The following CDH23 variants were observed in gnomAD, a reference collection of about 807,000 sequenced individuals.
CDH23 encodes the protein cadherin related 23, also known as cadherin-23.
In CDH23, 189 loss-of-function variants were observed where a neutral mutation model predicts 317.1. The ratio of observed to expected loss-of-function variants is 0.60; its 90% CI spans 0.53 to 0.67. The LOEUF (loss-of-function observed/expected upper bound fraction) is 0.67, where lower values mean the gene tolerates loss of function less well. Ranked by LOEUF, CDH23 falls within the 30% of genes least tolerant of loss-of-function variation. CDH23 has a pLI of 0.00. For missense variants in CDH23, 4,401 were observed against 4,592.4 expected, an observed-to-expected ratio of 0.96 and a Z score of 1.20; for synonymous variants, 1,839 against 1,876.8, an observed-to-expected ratio of 0.98 and a Z score of 0.52.
At chr10:71,643,104 A>G (rs1164547645) in intron 11 of CDH23, among the ~76,000 whole-genome samples, 1 of 152,230 alleles carries the variant, frequency 6.6e-6, no homozygotes, top group African/African-American at 2.4e-5. Context: ...ATCATCATCT[A>G]TATGCACAGT....
At chr10:71,484,813 T>C (rs1439258865) in intron 3 of CDH23, among the ~76,000 whole-genome samples, 1 of 152,156 alleles carries the variant, frequency 6.6e-6, no homozygotes, top group African/African-American at 2.4e-5. Context: ...CCTAGTTTGC[T>C]GGGGTTTTAT....
chr10:71,400,099 C>T (rs1273796913), intron 1 of CDH23, among the ~76,000 whole-genome samples: 1 of 152,166 alleles, frequency 6.6e-6, no homozygotes, highest in Non-Finnish European at 1.5e-5. Flanking sequence ...GACTGGACAT[C>T]CCACTTCTAC....
intron 3 of CDH23, among the ~76,000 whole-genome samples, chr10:71,491,575 G>A (rs1053694631): frequency 6.6e-6 from 1 of 152,150 alleles, no homozygotes; most frequent in Non-Finnish European, 1.5e-5. Flanking sequence ...CCTCAGCAGA[G>A]GCCATACTCT....
At chr10:71,811,274 A>G (rs547676936) in intron 62 of CDH23, 41 bp from the exon 63 acceptor site, 2 of 1,613,170 alleles carry the variant, frequency 1.2e-6, no homozygotes, top group South Asian at 1.1e-5. Flanking sequence ...TGGTGGGGGA[A>G]TGGCTGAGGA....
At chr10:71,527,873 G>A (rs777943608) in intron 6 of CDH23, among the ~76,000 whole-genome samples, 6 of 152,178 alleles carry the variant, frequency 3.9e-5, no homozygotes, top group Non-Finnish European at 5.9e-5. Context: ...GAAGAGGAGA[G>A]ATCAGTTTGC....
At chr10:71,543,111 C>T (rs1199932669) in intron 6 of CDH23, among the ~76,000 whole-genome samples, 1 of 152,230 alleles carries the variant, frequency 6.6e-6, no homozygotes, top group African/African-American at 2.4e-5. Context: ...TTATGAGACG[C>T]TGTTCCTCCA....
At chr10:71,770,794 C>T (rs1164334478) in intron 38 of CDH23, among the ~76,000 whole-genome samples, 1 of 152,210 alleles carries the variant, frequency 6.6e-6, no homozygotes, top group Non-Finnish European at 1.5e-5. Flanking sequence ...CCAGCGGAAC[C>T]TTTGCCCTGC....
chr10:71,568,059 G>A (rs1178154957), intron 7 of CDH23, among the ~76,000 whole-genome samples: 1 of 152,164 alleles, frequency 6.6e-6, no homozygotes, highest in Admixed American at 6.5e-5. Flanking sequence ...AAGATGGGGT[G>A]CCCCCAGACT....
At chr10:71,655,841 C>A (rs959273855) in intron 14 of CDH23, among the ~76,000 whole-genome samples, 2 of 152,060 alleles carry the variant, frequency 1.3e-5, no homozygotes, top group African/African-American at 4.8e-5. Context: ...CACAAGGCCA[C>A]CCAGCCCATC....
At chr10:71,511,311 G>T in intron 6 of CDH23, 99 bp downstream of exon 6, 1 of 1,129,322 alleles carries the variant, frequency 8.9e-7, no homozygotes, top group Non-Finnish European at 1.3e-6. Context: ...AGCAGCTGTG[G>T]CTCTTCTGCC....
At chr10:71,599,845 G>A (rs1248255259) in intron 9 of CDH23, among the ~76,000 whole-genome samples, 2 of 152,148 alleles carry the variant, frequency 1.3e-5, no homozygotes, top group Admixed American at 6.5e-5. Context: ...TTCTCCAGGG[G>A]ATGAAGGAAA....
In CDH23 at chr10:71,513,453, C is replaced by T. The variant is rs115174855; in HGVS notation, c.429+2241C>T. ...GAGGTCACCCTGGAAACCCCAGGCC[C>T]CTGCCCTTTAGAGTGTGATTCAGCA... On this transcript the variant is annotated intron_variant, in intron 6 of 69. Transcript: ENST00000224721. Among the ~76,000 whole-genome samples the T allele has an allele frequency of 7.3e-3, 1,110 of 152,302 alleles. 20 individuals are homozygous for T. Among genetic ancestry groups the T allele is most frequent in the Middle Eastern group, 0.031 (9 of 294 alleles).
chr10:71,421,317 G>A (rs1298736897), intron 1 of CDH23, among the ~76,000 whole-genome samples: 1 of 152,164 alleles, frequency 6.6e-6, no homozygotes, highest in African/African-American at 2.4e-5. Flanking sequence ...TGGCCTGTTG[G>A]CCCCCTGCCC....
In CDH23 at chr10:71,617,254, C is replaced by A. The variant is rs376301184; in HGVS notation, c.995C>A (p.Thr332Lys). The part of the protein sequence containing the change: ...DRTPSDATVT[T>K]TFNILVIDIN... ...ACCCCATCTGACGCTACAGTCACCA[C>A]GACCTTCAATATCCTGGTTATTGAC... Residue 332 changes from threonine to lysine, a missense_variant, in exon 11 of 70, where the codon ACG (threonine) becomes AAG (lysine). Around this residue, in one of 3 missense-constraint regions of CDH23, gnomAD observed 3,068 missense variants for 3,203.3 expected, o/e 0.96. Coordinates refer to ENST00000224721, the MANE Select transcript of CDH23 (RefSeq NM_022124.6). The A allele has an allele frequency of 1.2e-6, 2 of 1,613,970 alleles. No homozygotes were observed. Among genetic ancestry groups the A allele is most frequent in the East Asian group, 4.5e-5 (2 of 44,882 alleles).
intron 6 of CDH23, among the ~76,000 whole-genome samples, chr10:71,529,205 C>G (rs1855217564): frequency 6.6e-6 from 1 of 152,248 alleles, no homozygotes; most frequent in East Asian, 1.9e-4. Flanking sequence ...GATGCCAGTG[C>G]TGCTGGTCCT....
intron 20 of CDH23, 36 bp from the exon 21 acceptor site, chr10:71,694,111 C>T: frequency 1.9e-6 from 3 of 1,564,434 alleles, no homozygotes; most frequent in Non-Finnish European, 2.6e-6. Context: ...CTGGCCCACC[C>T]AAACCCTCTC....
rs61851984 is a variant in CDH23 at position 71,646,274 on chromosome 10, A to G, written c.1291-185A>G. ...CCCTGCTAGCTCCTCCTGCCCTAGC[A>G]GAATCAGCAGCCATCCCTAGAGCAA... On this transcript the variant is annotated intron_variant, in intron 13 of 69. Transcript: ENST00000224721. Among the ~76,000 whole-genome samples the G allele has an allele frequency of 0.09, 13,730 of 152,322 alleles. 801 individuals are homozygous for G. The highest frequency in any genetic ancestry group is 0.13 in the Non-Finnish European group (8,726 of 68,026).
At position 71,552,240 on chromosome 10, in the gene CDH23, G is replaced by A. The variant is rs138822585; in HGVS notation, c.430-14502G>A. ...GAGGTGGAAGAGGGGAACAAGACAG[G>A]TGTCTGGGTTGTCACATTGATGTCT... On this transcript the variant is annotated intron_variant, in intron 6 of 69. Transcript: ENST00000224721. 2.3e-3 allele frequency among the ~76,000 whole-genome samples: 345 copies of A among 152,332 alleles called. 2 individuals are homozygous for A. Among genetic ancestry groups the A allele is most frequent in the Middle Eastern group, 6.8e-3 (2 of 294 alleles).
rs118059651 is a variant in CDH23 at position 71,481,398 on chromosome 10, G to A, written c.146-28684G>A. On this transcript the variant is annotated intron_variant, in intron 3 of 69. Coordinates refer to ENST00000224721, the MANE Select transcript of CDH23 (RefSeq NM_022124.6). ...CCTTGGGAGTCAGGAAATGGGGAAA[G>A]GAGAGGTGTGTGATGGTGGGGGGAA... Among the ~76,000 whole-genome samples, 14 of 152,290 alleles carry A rather than the reference G, an allele frequency of 9.2e-5. No homozygotes were observed. The East Asian group carries it at 2.5e-3, about 27-fold the overall frequency.
Sources: gnomAD v4.1 joint callset for allele counts (sites outside exome capture counted in the v4.1 genomes callset) on GRCh38, gnomAD v4.1.1 for gene constraint, gnomAD v4.1.1 regional missense constraint, MANE v1.5 for transcripts, NCBI Gene and HGNC (gene_info 2026-07-23, HGNC 2026-07-21) for gene names.